ZUP1: variants seen among roughly 807,000 people sequenced by gnomAD.
The protein encoded by ZUP1 is zinc finger containing ubiquitin peptidase 1, also known as zinc finger-containing ubiquitin peptidase 1.
A neutral mutation model predicts 68.1 loss-of-function variants in ZUP1; 55 were observed. The ratio of observed to expected loss-of-function variants is 0.81; its 90% CI spans 0.65 to 1.01. The LOEUF (loss-of-function observed/expected upper bound fraction) is 1.01, where lower values mean the gene tolerates loss of function less well. Ranked by LOEUF, ZUP1 falls within the 50% of genes least tolerant of loss-of-function variation. The pLI is 0.00. For missense variants in ZUP1, 684 were observed against 674.9 expected (o/e 1.01, Z -0.15); for synonymous variants, 223 against 221.5 (o/e 1.01, Z -0.06).
intron 9 of ZUP1, 106 bp downstream of exon 9, chr6:116,645,601 AGAAAAAG>A: frequency 1.3e-6 from 1 of 794,908 alleles, no homozygotes; most frequent in Non-Finnish European, 1.9e-6. Context: ...AAAAAAAAAA[AGAAAAAG>A]AATAGAAAAA....
intron 7 of ZUP1, among the ~76,000 whole-genome samples, chr6:116,648,619 A>G (rs1776386307): frequency 6.6e-6 from 1 of 152,196 alleles, no homozygotes; most frequent in Admixed American, 6.5e-5. Context: ...CTCAGGATAT[A>G]TTAATAAAAA....
At chr6:116,661,062 G>A (rs1445365019) in intron 2 of ZUP1, among the ~76,000 whole-genome samples, 2 of 151,168 alleles carry the variant, frequency 1.3e-5, no homozygotes, top group African/African-American at 4.9e-5. Flanking sequence ...TTTTTTTAGA[G>A]ATGAGATCTC....
chr6:116,642,358 C>T (rs1172964253), intron 9 of ZUP1, among the ~76,000 whole-genome samples: 3 of 152,038 alleles, frequency 2.0e-5, no homozygotes, highest in East Asian at 1.9e-4. Context: ...CATCCTGATA[C>T]CAAAGCCTTG....
At chr6:116,647,353 T>C (rs1776341760) in intron 8 of ZUP1, 106 bp downstream of exon 8, 1 of 1,034,138 alleles carries the variant, frequency 9.7e-7, no homozygotes, top group East Asian at 2.8e-5. Flanking sequence ...AGTGAGATTC[T>C]GTCTAAAAAA....
intron 7 of ZUP1, among the ~76,000 whole-genome samples, chr6:116,651,306 A>G (rs1776482027): frequency 6.6e-6 from 1 of 152,186 alleles, no homozygotes; most frequent in Non-Finnish European, 1.5e-5. Flanking sequence ...AAGATATTAA[A>G]ACAGACTATC....
Position 116,666,907 on chromosome 6 carries a change from C to T in ZUP1, c.286G>A (p.Ala96Thr), listed in dbSNP as rs1777027713. The T allele has an allele frequency of 1.9e-6, 3 of 1,611,974 alleles. No homozygotes were observed. Among genetic ancestry groups the T allele is most frequent in the Non-Finnish European group, 2.5e-6 (3 of 1,179,414 alleles). The part of the protein sequence containing the change: ...EVNSSILSGC[A>T]SNHPKNSAQN... ...GCTGAATTTTTTGGATGATTAGATG[C>T]ACAACCTGAAAGAATACTTGAATTA... The change falls in exon 2 of 10, where the codon GCA becomes ACA. Residue 96 changes from alanine (A) to threonine (T), a missense_variant. Coordinates refer to ENST00000368576, the MANE Select transcript of ZUP1 (RefSeq NM_145062.3).
rs1163770004 is a variant in ZUP1, at chr6:116,652,199, T to C, written c.962-7A>G. 6.2e-7 allele frequency: 1 copy of C among 1,605,206 alleles called. No homozygotes were observed. Among genetic ancestry groups the C allele is most frequent in the Non-Finnish European group, 8.5e-7 (1 of 1,175,990 alleles). ...TGAAGTGCTTCAATAATTCCTAAAG[T>C]AGAAAAGAGATTCAGAAGCAGTCAT... On this transcript the variant is annotated splice_polypyrimidine_tract_variant and splice_region_variant and intron_variant, in intron 5 of 9. Coordinates refer to ENST00000368576, the MANE Select transcript of ZUP1 (RefSeq NM_145062.3).
rs564581678 is a variant in ZUP1, at chr6:116,667,763, G to A, written c.-15-556C>T. On this transcript the variant is annotated intron_variant, in intron 1 of 9. Transcript: ENST00000368576. ...AGGTCACCACAAGCAGAAAAAGGTG[G>A]AAGCCAAAATGCCAACCCCGTCGTG... Among the ~76,000 whole-genome samples, 3 of 152,096 alleles carry A rather than the reference G, an allele frequency of 2.0e-5. No homozygotes were observed. In the East Asian group the frequency reaches 5.8e-4, roughly 29 times the overall value.
Position 116,647,474 on chromosome 6 carries a change from A to G in ZUP1, c.1453T>C (p.Tyr485His), listed in dbSNP as rs765943412. The change falls in exon 8 of 10, where the codon TAT becomes CAT. Residue 485 changes from tyrosine to histidine, a missense_variant. Physicochemically the swap from Tyr to His is moderately conservative, Grantham distance 83. Coordinates refer to ENST00000368576, the MANE Select transcript of ZUP1 (RefSeq NM_145062.3). The part of the protein sequence containing the change: ...KVVCTSKPPI[Y>H]LQHQGHSRTV... Reference sequence around the variant, plus strand: ...TAATACTAACCTTGATGCTGAAGATAGATAGGAGGTTTAGATGTACACACT... The same window carrying G: ...TAATACTAACCTTGATGCTGAAGATGGATAGGAGGTTTAGATGTACACACT... 9 of 1,569,790 alleles carry G rather than the reference A, an allele frequency of 5.7e-6. No individual in the cohort carries two copies. The East Asian group carries it at 9.1e-5, about 16-fold the overall frequency.
rs192077423 is a variant in ZUP1 at position 116,636,425 on chromosome 6, A to G, written c.1690-546T>C. On this transcript the variant is annotated intron_variant, in intron 9 of 9. Coordinates refer to ENST00000368576, the MANE Select transcript of ZUP1 (RefSeq NM_145062.3). Reference sequence around the variant, plus strand: ...TATAGTGGGGTAACTTTAAAACTGCATATCATAATGTGAAAAAGAATTAAG... The same window carrying G: ...TATAGTGGGGTAACTTTAAAACTGCGTATCATAATGTGAAAAAGAATTAAG... 3.3e-3 allele frequency among the ~76,000 whole-genome samples: 493 copies of G among 149,876 alleles called. 3 individuals are homozygous for G. The highest frequency in any genetic ancestry group is 0.011 in the African/African-American group (472 of 41,240).
intron 5 of ZUP1, among the ~76,000 whole-genome samples, chr6:116,653,817 A>G (rs1238130086): frequency 6.6e-6 from 1 of 152,002 alleles, no homozygotes; most frequent in Non-Finnish European, 1.5e-5. Flanking sequence ...AGTACATTTT[A>G]GTATATATGT....
At position 116,641,312 on chromosome 6, in the gene ZUP1, T is replaced by C. The variant is rs1003811745; in HGVS notation, c.1689+4402A>G. On this transcript the variant is annotated intron_variant, in intron 9 of 9. Coordinates refer to ENST00000368576, the MANE Select transcript of ZUP1 (RefSeq NM_145062.3). Reference sequence around the variant, plus strand: ...GGAAGTTAACAAGAATACCCAGGAATTGAACTAAGCTCTGCACCAAGCGGA... The same window carrying C: ...GGAAGTTAACAAGAATACCCAGGAACTGAACTAAGCTCTGCACCAAGCGGA... Among the ~76,000 whole-genome samples, 95 of 152,232 alleles carry C rather than the reference T, an allele frequency of 6.2e-4. 1 individual carries two copies. Among genetic ancestry groups the C allele is most frequent in the African/African-American group, 2.2e-3 (91 of 41,530 alleles).
At chr6:116,640,678 C>A (rs1057349506) in intron 9 of ZUP1, among the ~76,000 whole-genome samples, 1 of 151,746 alleles carries the variant, frequency 6.6e-6, no homozygotes, top group Admixed American at 6.6e-5. Flanking sequence ...TAAAAGAGAT[C>A]CTGAAGGAAG....
intron 2 of ZUP1, among the ~76,000 whole-genome samples, chr6:116,661,328 A>AG (rs1424825467): frequency 6.6e-6 from 1 of 151,400 alleles, no homozygotes; most frequent in East Asian, 1.9e-4. Flanking sequence ...TGAGCATAGC[A>AG]CAAACCTCTC....
In ZUP1 at chr6:116,651,097, G is replaced by A. The variant is rs549304659; in HGVS notation, c.1316+475C>T. Reference sequence around the variant, plus strand: ...TGCAAAAACTTGAGGCCATGATGTCGTCACATATTATAGTAAAAGAGAAAA... The same window carrying A: ...TGCAAAAACTTGAGGCCATGATGTCATCACATATTATAGTAAAAGAGAAAA... On this transcript the variant is annotated intron_variant, in intron 7 of 9. Transcript: ENST00000368576. Among the ~76,000 whole-genome samples the A allele has an allele frequency of 1.2e-4, 18 of 151,998 alleles. 1 individual carries two copies. In the South Asian group the frequency reaches 2.3e-3, roughly 19 times the overall value.
intron 2 of ZUP1, among the ~76,000 whole-genome samples, chr6:116,663,517 G>C (rs1039748432): frequency 9.9e-5 from 15 of 152,176 alleles, no homozygotes; most frequent in Non-Finnish European, 2.2e-4. Context: ...TGTTGTGTCA[G>C]CAAAGGATTG....
In ZUP1 at chr6:116,647,570, C is replaced by A. The variant is rs201026832; in HGVS notation, c.1357G>T (p.Gly453Cys). 1.3e-6 allele frequency: 2 copies of A among 1,586,636 alleles called. No individual in the cohort carries two copies. The highest frequency in any genetic ancestry group is 1.3e-5 in the African/African-American group (1 of 74,580). ...CATTCAAATAAGCGAGGGTGTGTAC[C>A]CAAAGGACCAGTTGATTTGTGAAAA... Reference protein sequence around the residue: ...VDFHKSTGPLGTHPRLFEWIL... With the variant: ...VDFHKSTGPLCTHPRLFEWIL... Residue 453 changes from glycine (G) to cysteine (C), a missense_variant, in exon 8 of 10, where the codon GGT becomes TGT. By Grantham distance (159) the Gly-to-Cys change is radical. Transcript: ENST00000368576.
Position 116,640,903 on chromosome 6 carries a change from A to C in ZUP1, c.1689+4811T>G, listed in dbSNP as rs536073429. ...AAAGACACAGACTGGCAAATTGGAT[A>C]AAGAGTCAAGACCCATCAGTGTGCT... On this transcript the variant is annotated intron_variant, in intron 9 of 9. Coordinates refer to ENST00000368576, the MANE Select transcript of ZUP1 (RefSeq NM_145062.3). 2.1e-3 allele frequency among the ~76,000 whole-genome samples: 321 copies of C among 149,538 alleles called. 1 individual carries two copies. The highest frequency in any genetic ancestry group is 7.6e-3 in the African/African-American group (306 of 40,506).
At chr6:116,653,447 A>C (rs1776574247) in intron 5 of ZUP1, among the ~76,000 whole-genome samples, 3 of 152,056 alleles carry the variant, frequency 2.0e-5, no homozygotes, top group Admixed American at 1.3e-4. Flanking sequence ...TCCTAGAAGA[A>C]AATGGGTTTT....
Sources: allele counts gnomAD v4.1 joint callset (sites outside exome capture counted in the v4.1 genomes callset), GRCh38; gene constraint gnomAD v4.1.1; transcripts MANE v1.5; gene names NCBI Gene and HGNC (gene_info 2026-07-23, HGNC 2026-07-21).